The following AUTS2 variants were observed in gnomAD, a reference collection of about 807,000 sequenced individuals.
AUTS2 encodes the protein autism susceptibility gene 2 protein.
A neutral mutation model predicts 112.4 loss-of-function variants in AUTS2; 17 were observed. That is an observed-to-expected ratio of 0.15 (90% CI 0.10 to 0.23). The LOEUF (loss-of-function observed/expected upper bound fraction) is 0.23. AUTS2 is among the 10% of genes least tolerant of loss of function. AUTS2 has a pLI of 1.00. For synonymous variants in AUTS2, 751 were observed against 702.7 expected, an observed-to-expected ratio of 1.07 and a Z score of -1.09; for missense variants, 1,510 against 1,701.6, an observed-to-expected ratio of 0.89 and a Z score of 1.98.
intron 4 of AUTS2, among the ~76,000 whole-genome samples, chr7:70,397,146 C>T (rs1211711093): frequency 6.6e-6 from 1 of 151,774 alleles, no homozygotes; most frequent in Non-Finnish European, 1.5e-5. Context: ...TCACTGCAAC[C>T]TTCACCTCCC....
intron 5 of AUTS2, among the ~76,000 whole-genome samples, chr7:70,498,301 G>T (rs933483549): frequency 2.0e-5 from 3 of 152,184 alleles, no homozygotes; most frequent in Non-Finnish European, 4.4e-5. Flanking sequence ...TTGGTACATG[G>T]CTTTAATTTT....
intron 1 of AUTS2, among the ~76,000 whole-genome samples, chr7:69,855,528 A>G (rs1016291384): frequency 8.5e-5 from 13 of 152,192 alleles, no homozygotes. Flanking sequence ...TTATAGTCTC[A>G]TACTTACCCA....
At chr7:70,032,979 G>T (rs1007637815) in intron 2 of AUTS2, among the ~76,000 whole-genome samples, 14 of 152,114 alleles carry the variant, frequency 9.2e-5, no homozygotes, top group Admixed American at 7.2e-4. Flanking sequence ...TCCAGAATAG[G>T]CAAATCTGTA....
At chr7:70,569,030 C>T (rs144541300) in intron 5 of AUTS2, among the ~76,000 whole-genome samples, 2 of 152,302 alleles carry the variant, frequency 1.3e-5, no homozygotes, top group East Asian at 1.9e-4. Context: ...GTGTCTGAGC[C>T]GTGCTATCAG....
intron 6 of AUTS2, among the ~76,000 whole-genome samples, chr7:70,759,462 T>G (rs1412299030): frequency 6.6e-6 from 1 of 152,204 alleles, no homozygotes; most frequent in East Asian, 1.9e-4. Flanking sequence ...GGATGGGGAT[T>G]CTAATCAGAT....
intron 4 of AUTS2, among the ~76,000 whole-genome samples, chr7:70,245,403 T>C (rs972241932): frequency 1.3e-5 from 2 of 152,060 alleles, no homozygotes; most frequent in Non-Finnish European, 2.9e-5. Context: ...TGTTTCACAG[T>C]GAACAATTAT....
chr7:70,567,046 AG>A (rs1801738960), intron 5 of AUTS2, among the ~76,000 whole-genome samples: 1 of 152,362 alleles, frequency 6.6e-6, no homozygotes, highest in East Asian at 1.9e-4. Flanking sequence ...AAATCCTCAA[AG>A]ATGTGTATGC....
chr7:70,573,409 A>G (rs555652670), intron 5 of AUTS2, among the ~76,000 whole-genome samples: 4 of 152,338 alleles, frequency 2.6e-5, no homozygotes, highest in Admixed American at 2.6e-4. Context: ...TTCAACTCCA[A>G]AGAAGGGGAT....
intron 1 of AUTS2, among the ~76,000 whole-genome samples, chr7:69,670,989 A>G (rs939721819): frequency 6.6e-6 from 1 of 152,242 alleles, no homozygotes; most frequent in African/African-American, 2.4e-5. Flanking sequence ...ATCATTCACA[A>G]TCAGGCCAAA....
At chr7:70,506,045 A>G (rs1798947269) in intron 5 of AUTS2, among the ~76,000 whole-genome samples, 1 of 152,184 alleles carries the variant, frequency 6.6e-6, no homozygotes, top group Non-Finnish European at 1.5e-5. Flanking sequence ...GTTTGAGATC[A>G]TCTCAGGCAC....
chr7:70,504,685 T>G (rs1354816799), intron 5 of AUTS2, among the ~76,000 whole-genome samples: 1 of 152,216 alleles, frequency 6.6e-6, no homozygotes, highest in African/African-American at 2.4e-5. Flanking sequence ...CTCGAAATCA[T>G]GAGTTTCCTG....
chr7:70,350,590 C>T (rs1248259967), intron 4 of AUTS2, among the ~76,000 whole-genome samples: 1 of 152,148 alleles, frequency 6.6e-6, no homozygotes, highest in African/African-American at 2.4e-5. Context: ...AACCCACCCT[C>T]ATGATTCAGT....
intron 1 of AUTS2, among the ~76,000 whole-genome samples, chr7:69,894,920 A>C (rs940793405): frequency 1.3e-5 from 2 of 152,224 alleles, no homozygotes; most frequent in African/African-American, 4.8e-5. Context: ...GTGAACCACT[A>C]TCCTAGATCA....
At chr7:69,747,935 T>G (rs1447809453) in intron 1 of AUTS2, among the ~76,000 whole-genome samples, 1 of 152,142 alleles carries the variant, frequency 6.6e-6, no homozygotes, top group African/African-American at 2.4e-5. Context: ...AGGGTTTCTT[T>G]GCTGAGTAGA....
At chr7:70,693,808 G>A (rs994420219) in intron 5 of AUTS2, among the ~76,000 whole-genome samples, 3 of 152,336 alleles carry the variant, frequency 2.0e-5, no homozygotes, top group African/African-American at 7.2e-5. Flanking sequence ...CGGGGAGGGC[G>A]AGGAGCGGTG....
At chr7:69,689,732 T>C (rs1584076733) in intron 1 of AUTS2, among the ~76,000 whole-genome samples, 4 of 150,664 alleles carry the variant, frequency 2.7e-5, no homozygotes, top group Admixed American at 2.7e-4. Flanking sequence ...GGCTGGAGTG[T>C]AGTGGCATGA....
intron 4 of AUTS2, among the ~76,000 whole-genome samples, chr7:70,288,783 A>C (rs898497111): frequency 1.4e-4 from 21 of 152,228 alleles, no homozygotes; most frequent in African/African-American, 4.6e-4. Context: ...AAACTGAGCT[A>C]GTGAGAATGC....
intron 2 of AUTS2, among the ~76,000 whole-genome samples, chr7:70,054,906 C>T (rs572418947): frequency 3.9e-5 from 6 of 152,206 alleles, no homozygotes; most frequent in Admixed American, 3.9e-4. Flanking sequence ...CTATTTTGGT[C>T]TTCCCTTCTC....
At chr7:69,837,809 A>G (rs1791792219) in intron 1 of AUTS2, among the ~76,000 whole-genome samples, 1 of 152,220 alleles carries the variant, frequency 6.6e-6, no homozygotes, top group South Asian at 2.1e-4. Context: ...TATTAATAAT[A>G]CACGTTTTCC....
Sources: allele counts gnomAD v4.1 joint callset (sites outside exome capture counted in the v4.1 genomes callset), GRCh38; gene constraint gnomAD v4.1.1; transcripts MANE v1.5; gene names NCBI Gene and HGNC (gene_info 2026-07-23, HGNC 2026-07-21).